PCNX1: variants seen among roughly 807,000 people sequenced by gnomAD.
The protein encoded by PCNX1 is pecanex-like protein 1.
PCNX1 carries 78 observed loss-of-function variants against 242.2 expected under a neutral mutation model. The ratio of observed to expected loss-of-function variants is 0.32; its 90% confidence interval spans 0.27 to 0.39. PCNX1 has a LOEUF of 0.39. PCNX1 is among the 10% of genes least tolerant of loss of function. The pLI is 1.00. For missense variants in PCNX1, 2,581 were observed against 2,856.5 expected, an observed-to-expected ratio of 0.90 and a Z score of 2.20; for synonymous variants, 1,024 against 1,032.9, an observed-to-expected ratio of 0.99 and a Z score of 0.17.
intron 26 of PCNX1, among the ~76,000 whole-genome samples, chr14:71,069,569 C>G (rs897749911): frequency 5.9e-5 from 9 of 152,116 alleles, no homozygotes; most frequent in African/African-American, 2.2e-4. Flanking sequence ...AAGTAAGTAT[C>G]GCAGTAAAGC....
At chr14:71,005,679 T>G (rs909129241) in intron 8 of PCNX1, among the ~76,000 whole-genome samples, 2 of 152,218 alleles carry the variant, frequency 1.3e-5, no homozygotes, top group African/African-American at 4.8e-5. Context: ...TGTGAATGTT[T>G]ATCAGAATTT....
Position 71,108,728 on chromosome 14 carries a change from C to T in PCNX1, c.6426C>T (p.Thr2142=), listed in dbSNP as rs1370350684. The T allele has an allele frequency of 1.2e-6, 2 of 1,614,120 alleles. No homozygotes were observed. Among genetic ancestry groups the T allele is most frequent in the Non-Finnish European group, 1.7e-6 (2 of 1,180,038 alleles). The part of the protein sequence containing the change: ...SSRHSSLRMS[T]TGFVPCRRSS... ...GGCATTCATCCCTCCGGATGTCCACCACTGGGTTTGTGCCTTGTCGGCGCT... is the reference window on the plus strand; with the variant it reads ...GGCATTCATCCCTCCGGATGTCCACTACTGGGTTTGTGCCTTGTCGGCGCT... Residue 2142 remains threonine, a synonymous_variant, in exon 34 of 36, where the codon ACC becomes ACT. Coordinates refer to ENST00000304743, the MANE Select transcript of PCNX1 (RefSeq NM_014982.3).
At chr14:71,041,750 T>C (rs1470752195) in intron 19 of PCNX1, among the ~76,000 whole-genome samples, 1 of 151,972 alleles carries the variant, frequency 6.6e-6, no homozygotes, top group African/African-American at 2.4e-5. Context: ...GTTTGAACTC[T>C]TTCTACTTTT....
At chr14:70,991,942 G>C (rs1234336049) in intron 7 of PCNX1, among the ~76,000 whole-genome samples, 1 of 152,082 alleles carries the variant, frequency 6.6e-6, no homozygotes, top group Non-Finnish European at 1.5e-5. Flanking sequence ...CCACCCAAAA[G>C]GCAACTTGGT....
chr14:70,970,193 T>G (rs2058499346), intron 5 of PCNX1, among the ~76,000 whole-genome samples: 1 of 151,832 alleles, frequency 6.6e-6, no homozygotes, highest in Non-Finnish European at 1.5e-5. Context: ...GATGCCTGTC[T>G]CTACAAAAAG....
chr14:70,983,083 T>C (rs1373546386), intron 6 of PCNX1, among the ~76,000 whole-genome samples: 3 of 152,210 alleles, frequency 2.0e-5, no homozygotes, highest in African/African-American at 4.8e-5. Flanking sequence ...CGAATACATG[T>C]GTTCATCACT....
intron 2 of PCNX1, among the ~76,000 whole-genome samples, chr14:70,959,432 A>G (rs1182088069): frequency 1.6e-5 from 2 of 126,244 alleles, no homozygotes; most frequent in Non-Finnish European, 3.1e-5. Flanking sequence ...TCCTGTGTCC[A>G]TGTGTTCTCA....
At chr14:71,062,083 A>G (rs528003223) in intron 26 of PCNX1, among the ~76,000 whole-genome samples, 1 of 152,344 alleles carries the variant, frequency 6.6e-6, no homozygotes, top group South Asian at 2.1e-4. Flanking sequence ...TTGCTGCATT[A>G]TCTGCATACA....
At chr14:71,104,555 T>C (rs2062556809) in intron 32 of PCNX1, among the ~76,000 whole-genome samples, 1 of 152,192 alleles carries the variant, frequency 6.6e-6, no homozygotes, top group South Asian at 2.1e-4. Flanking sequence ...TCAAGTACAC[T>C]ATATTAACAG....
rs186904494 is a variant in PCNX1 at position 71,033,060 on chromosome 14, A to T, written c.3559-369A>T. ...ACTCTTATTATTGTATCTAAAATTT[A>T]CTATGCCAAGATATCTTATTCTTCC... is the stretch of plus-strand genomic sequence containing the variant. On this transcript the variant is annotated intron_variant, in intron 16 of 35. Coordinates refer to ENST00000304743, the MANE Select transcript of PCNX1 (RefSeq NM_014982.3). 1.4e-3 allele frequency among the ~76,000 whole-genome samples: 206 copies of T among 152,334 alleles called. 1 individual carries two copies. The highest frequency in any genetic ancestry group is 4.7e-3 in the African/African-American group (196 of 41,572).
intron 15 of PCNX1, among the ~76,000 whole-genome samples, chr14:71,027,614 C>T (rs1049074324): frequency 1.3e-5 from 2 of 151,858 alleles, no homozygotes; most frequent in Non-Finnish European, 3.0e-5. Context: ...TTTCTCTACA[C>T]GTTTCACATT....
Position 70,907,731 on chromosome 14 carries a change from A to T in PCNX1, c.-120A>T. On this transcript the variant is annotated 5_prime_UTR_variant, in exon 1 of 36. Coordinates refer to ENST00000304743, the MANE Select transcript of PCNX1 (RefSeq NM_014982.3). ...CGACCGCCGAAGCGCCGGCTCGCTC[A>T]CCCGGAGCTCCGGAGGTGGATAGAC... is the stretch of plus-strand genomic sequence containing the variant. The T allele has an allele frequency of 8.8e-7, 1 of 1,130,884 alleles. No individual in the cohort carries two copies. Among genetic ancestry groups the T allele is most frequent in the Non-Finnish European group, 1.1e-6 (1 of 916,898 alleles). The allele number at this position is 1,130,884 out of a possible 1,614,324, so 70.1% of individuals were successfully genotyped here. A position where few individuals can be genotyped will look rare whatever the true frequency, so the allele number is the denominator to read the frequency against.
chr14:71,066,664 A>G (rs1029645601), intron 26 of PCNX1, among the ~76,000 whole-genome samples: 1 of 152,146 alleles, frequency 6.6e-6, no homozygotes, highest in African/African-American at 2.4e-5. Context: ...GAGTGGTGAG[A>G]GAGGGCATCC....
intron 15 of PCNX1, among the ~76,000 whole-genome samples, chr14:71,027,406 A>G (rs1168148774): frequency 6.6e-6 from 1 of 151,990 alleles, no homozygotes; most frequent in Admixed American, 6.6e-5. Context: ...GTGGCTATGA[A>G]TTGATACACT....
At chr14:71,036,202 A>G (rs1468645801) in intron 19 of PCNX1, 45 bp downstream of exon 19, 4 of 1,217,108 alleles carry the variant, frequency 3.3e-6, no homozygotes, top group Non-Finnish European at 4.9e-6. Flanking sequence ...TGTTTGAGAC[A>G]GGGTCTCACT....
chr14:70,967,712 A>G (rs543078315), intron 3 of PCNX1, among the ~76,000 whole-genome samples: 1 of 152,230 alleles, frequency 6.6e-6, no homozygotes, highest in South Asian at 2.1e-4. Flanking sequence ...TAAAGAAGGT[A>G]CATAATGATA....
At chr14:71,038,517 A>G (rs1325057508) in intron 19 of PCNX1, among the ~76,000 whole-genome samples, 2 of 152,038 alleles carry the variant, frequency 1.3e-5, no homozygotes, top group Non-Finnish European at 2.9e-5. Context: ...AATCAAAACC[A>G]CAATGAGATA....
At chr14:70,992,202 T>C (rs2059185664) in intron 7 of PCNX1, among the ~76,000 whole-genome samples, 1 of 152,162 alleles carries the variant, frequency 6.6e-6, no homozygotes, top group Non-Finnish European at 1.5e-5. Context: ...TTTATCATCC[T>C]AAATGTGTTA....
rs77570971 is a variant in PCNX1, at chr14:71,109,012, A to G, written c.6710A>G (p.His2237Arg). Residue 2237 changes from histidine to arginine, a missense_variant, in exon 34 of 36, where the codon CAC (histidine) becomes CGC (arginine). Physicochemically the swap from His to Arg is conservative, Grantham distance 29. Transcript: ENST00000304743. ...ACCTTAAGTCCTGCCAACAATTCAC[A>G]CTCCAGAAAGGCAGAAGTGATTTAC... ...GNTLSPANNS[H>R]SRKAEVIYRV... 1,410 of 1,613,662 alleles carry G rather than the reference A, an allele frequency of 8.7e-4. 10 individuals are homozygous for G. In the African/African-American group the frequency reaches 0.017, roughly 19 times the overall value.
Sources: gnomAD v4.1 joint callset for allele counts (sites outside exome capture counted in the v4.1 genomes callset) on GRCh38, gnomAD v4.1.1 for gene constraint, MANE v1.5 for transcripts, NCBI Gene and HGNC (gene_info 2026-07-23, HGNC 2026-07-21) for gene names.